DOCK9: variants seen among roughly 807,000 people sequenced by gnomAD.
DOCK9 encodes the protein dedicator of cytokinesis 9, also known as dedicator of cytokinesis protein 9.
A neutral mutation model predicts 263.3 loss-of-function variants in DOCK9; 89 were observed. The observed-to-expected ratio is 0.34, with a 90% CI of 0.28 to 0.40. The LOEUF (loss-of-function observed/expected upper bound fraction) is 0.40. Ranked by LOEUF, DOCK9 falls within the 10% of genes least tolerant of loss-of-function variation. The pLI is 1.00. For missense variants in DOCK9, 2,140 were observed against 2,603.4 expected (o/e 0.82, Z 3.87); for synonymous variants, 976 against 973.1 (o/e 1.00, Z -0.06).
intron 1 of DOCK9, among the ~76,000 whole-genome samples, chr13:98,968,443 C>T (rs997017632): frequency 2.6e-5 from 4 of 151,964 alleles, no homozygotes; most frequent in African/African-American, 9.7e-5. Context: ...CAACATGGTT[C>T]ACCCCGTCTC....
chr13:98,894,110 C>A (rs1405019623), intron 15 of DOCK9, among the ~76,000 whole-genome samples: 1 of 152,198 alleles, frequency 6.6e-6, no homozygotes, highest in African/African-American at 2.4e-5. Context: ...TGAAGCCCCA[C>A]TCCCCAGCCT....
At chr13:98,972,949 T>C (rs1421676434) in intron 1 of DOCK9, among the ~76,000 whole-genome samples, 2 of 152,210 alleles carry the variant, frequency 1.3e-5, no homozygotes, top group African/African-American at 4.8e-5. Context: ...CTTGTAAATG[T>C]GGGTTGACTG....
chr13:99,049,279 T>A (rs1024754065), intron 1 of DOCK9, among the ~76,000 whole-genome samples: 1 of 152,180 alleles, frequency 6.6e-6, no homozygotes, highest in African/African-American at 2.4e-5. Context: ...CCTCAGAATA[T>A]CTGGCCAAAA....
chr13:98,801,503 G>C (rs1038343720), intron 49 of DOCK9, among the ~76,000 whole-genome samples: 1 of 151,716 alleles, frequency 6.6e-6, no homozygotes, highest in Admixed American at 6.6e-5. Flanking sequence ...GATTAATATT[G>C]TTTTCCTTTA....
At chr13:98,887,143 A>T (rs58262221) in intron 18 of DOCK9, among the ~76,000 whole-genome samples, 5,937 of 92,572 alleles carry the variant, frequency 0.064, 445 homozygotes, top group East Asian at 0.21. Context: ...ATATATATAT[A>T]TTTTTTTTTT....
At chr13:98,944,704 G>C (rs1191383091) in intron 2 of DOCK9, among the ~76,000 whole-genome samples, 1 of 152,206 alleles carries the variant, frequency 6.6e-6, no homozygotes, top group Admixed American at 6.5e-5. Context: ...GATACCCTGG[G>C]AACAGCGAGG....
intron 39 of DOCK9, among the ~76,000 whole-genome samples, chr13:98,836,395 C>T (rs187375183): frequency 3.9e-5 from 6 of 152,232 alleles, no homozygotes; most frequent in South Asian, 2.1e-4. Context: ...AGAGAGGCTC[C>T]GAAGCTTCTT....
Position 98,797,158 on chromosome 13 carries a change from T to C in DOCK9, c.6113A>G (p.Tyr2038Cys), listed in dbSNP as rs750872161. 1.2e-6 allele frequency: 2 copies of C among 1,614,012 alleles called. No homozygotes were observed. The highest frequency in any genetic ancestry group is 2.2e-5 in the East Asian group (1 of 44,886). The part of the protein sequence containing the change: ...LEYQEEMKAN[Y>C]REMAKELSEI... ...AGAAAGCTCCTTCGCCATTTCCCTG[T>C]AGTTGGCTTTCATTTCTTCCTGATA... Residue 2038 changes from tyrosine to cysteine, a missense_variant, in exon 52 of 53, where the codon TAC becomes TGC. Tyr to Cys is a radical substitution (Grantham distance 194). Coordinates refer to ENST00000682017, the MANE Select transcript of DOCK9 (RefSeq NM_001366683.2).
intron 45 of DOCK9, among the ~76,000 whole-genome samples, chr13:98,823,854 T>C (rs949399660): frequency 6.6e-6 from 1 of 152,192 alleles, no homozygotes; most frequent in Non-Finnish European, 1.5e-5. Context: ...TGCTGGTCTC[T>C]GTAGGGGGTG....
chr13:98,888,077 G>C, intron 18 of DOCK9, 81 bp downstream of exon 18: 1 of 912,164 alleles, frequency 1.1e-6, no homozygotes, highest in Non-Finnish European at 1.7e-6. Context: ...AACTGTTGTA[G>C]TTGTACGGTA....
intron 5 of DOCK9, among the ~76,000 whole-genome samples, chr13:98,922,390 T>A (rs1256956977): frequency 1.6e-4 from 25 of 152,164 alleles, no homozygotes; most frequent in Admixed American, 1.6e-3. Context: ...CCTGTCCAAA[T>A]TTTTATTTGT....
intron 1 of DOCK9, among the ~76,000 whole-genome samples, chr13:99,038,770 C>A (rs911524058): frequency 6.6e-6 from 1 of 152,180 alleles, no homozygotes; most frequent in Non-Finnish European, 1.5e-5. Flanking sequence ...CATGTGTATT[C>A]TTTAAAGGGG....
chr13:98,810,040 TGGA>T, intron 46 of DOCK9, 126 bp downstream of exon 46: 1 of 1,294,000 alleles, frequency 7.7e-7, no homozygotes, highest in Non-Finnish European at 1.1e-6. Flanking sequence ...CAGCGTAACG[TGGA>T]GGGTCAGAGA....
At chr13:98,946,863 C>T (rs2056782000) in intron 2 of DOCK9, among the ~76,000 whole-genome samples, 1 of 152,144 alleles carries the variant, frequency 6.6e-6, no homozygotes. Flanking sequence ...ACTGTCTGCC[C>T]TCTCTGCCTG....
At chr13:99,062,030 C>A (rs1323624359) in intron 1 of DOCK9, among the ~76,000 whole-genome samples, 1 of 152,054 alleles carries the variant, frequency 6.6e-6, no homozygotes, top group Non-Finnish European at 1.5e-5. Flanking sequence ...TGCCACCATG[C>A]CTGGCTAATT....
rs1458199539 is a variant in DOCK9, at chr13:99,038,287, CCTTTTTTTTTTT to C, written c.129+47924_129+47935del. Among the ~76,000 whole-genome samples the C allele has an allele frequency of 3.3e-3, 163 of 48,834 alleles. 4 individuals carry two copies. Among genetic ancestry groups the C allele is most frequent in the African/African-American group, 0.012 (154 of 13,244 alleles). The allele number at this position is 48,834 out of a possible 152,430, so 32.0% of individuals were successfully genotyped here. On this transcript the variant is annotated intron_variant, in intron 1 of 32. Transcript: ENST00000427887. Reference sequence around the variant, plus strand: ...AGCTGAAAAACTGGCTTTATGCCCCCCTTTTTTTTTTTTTTTTTTTTTTTTTTTTTTTTGGAG... The same window carrying C: ...AGCTGAAAAACTGGCTTTATGCCCCCTTTTTTTTTTTTTTTTTTTTTGGAG...
At chr13:99,018,912 GATGC>G (rs1885742757) in intron 1 of DOCK9, among the ~76,000 whole-genome samples, 2 of 150,142 alleles carry the variant, frequency 1.3e-5, no homozygotes, top group South Asian at 4.2e-4. Flanking sequence ...TCCCTTTTGA[GATGC>G]AGGCCCAGGT....
At chr13:98,891,605 T>C (rs2046625623) in intron 15 of DOCK9, among the ~76,000 whole-genome samples, 1 of 152,196 alleles carries the variant, frequency 6.6e-6, no homozygotes, top group Admixed American at 6.5e-5. Context: ...CTAAGCAACA[T>C]ATTTTAATTA....
intron 1 of DOCK9, among the ~76,000 whole-genome samples, chr13:99,083,676 G>T (rs1253067314): frequency 6.6e-6 from 1 of 152,152 alleles, no homozygotes; most frequent in Non-Finnish European, 1.5e-5. Flanking sequence ...AATCATTCAT[G>T]AAAGTCCATG....
Sources: allele counts gnomAD v4.1 joint callset (sites outside exome capture counted in the v4.1 genomes callset), GRCh38; gene constraint gnomAD v4.1.1; transcripts MANE v1.5; gene names NCBI Gene and HGNC (gene_info 2026-07-23, HGNC 2026-07-21).